SAR1A: variants seen among roughly 807,000 people sequenced by gnomAD.
SAR1A encodes the protein small COPII coat GTPase SAR1A.
In SAR1A, 6 loss-of-function variants were observed where a neutral mutation model predicts 22.6. That is an observed-to-expected ratio of 0.27 (90% CI 0.15 to 0.52). The LOEUF (loss-of-function observed/expected upper bound fraction) is 0.52, where lower values mean the gene tolerates loss of function less well. Ranked by LOEUF, SAR1A falls within the 20% of genes least tolerant of loss-of-function variation. The pLI is 0.96. For synonymous variants in SAR1A, 70 were observed against 82.2 expected, an observed-to-expected ratio of 0.85 and a Z score of 0.80; for missense variants, 145 against 245.1, an observed-to-expected ratio of 0.59 and a Z score of 2.73.
chr10:70,162,421 GGGAAAGGAAA>G (rs376567923), intron 1 of SAR1A, among the ~76,000 whole-genome samples: 1 of 115,472 alleles, frequency 8.7e-6, no homozygotes. Context: ...GAAAGGGAAA[GGGAAAGGAAA>G]GGAAAGGAAA....
rs1839302316 is a variant in SAR1A, at chr10:70,149,547, A to ATGTTTTTTTTT, written c.*2928_*2929insAAAAAAAAACA. On this transcript the variant is annotated 3_prime_UTR_variant, in exon 7 of 7. Coordinates refer to ENST00000373241, the MANE Select transcript of SAR1A (RefSeq NM_020150.5). ...TTTTGCCAAATGTAGCATTTAATTG[A>ATGTTTTTTTTT]TTTTTTTTTTTTTTTTTTTTTTGAG... is the stretch of plus-strand genomic sequence containing the variant. 1.5e-5 allele frequency: 1 copy of ATGTTTTTTTTT among 68,036 alleles called. No individual in the cohort carries two copies. Among genetic ancestry groups the ATGTTTTTTTTT allele is most frequent in the Non-Finnish European group, 2.5e-5 (1 of 40,706 alleles). The allele number at this position is 68,036 out of a possible 1,614,324, so 4.2% of individuals were successfully genotyped here.
At chr10:70,164,210 T>C (rs1839515413) in intron 1 of SAR1A, 1 of 598,796 alleles carries the variant, frequency 1.7e-6, no homozygotes, top group African/African-American at 1.9e-5. Flanking sequence ...GTAAAAGGCT[T>C]CTCCCTACTG....
chr10:70,165,853 T>C (rs540227564), intron 1 of SAR1A, among the ~76,000 whole-genome samples: 81 of 152,244 alleles, frequency 5.3e-4, no homozygotes, highest in Non-Finnish European at 1.0e-3. Context: ...CAGAGAAATC[T>C]TTCTTGAAAA....
rs752360619 is a variant in SAR1A at position 70,161,014 on chromosome 10, C to G, written c.234G>C (p.Gly78=). ...TGAGTCATCACTTACCTTGCTCGTG[C>G]CCACCAAGATCAAAAGTTGTAAAGG... The part of the protein sequence containing the change: ...GMTFTTFDLG[G]HEQARRVWKN... Residue 78 remains glycine (G), a synonymous_variant, in exon 4 of 7, where the codon GGG becomes GGC. Coordinates refer to ENST00000373241, the MANE Select transcript of SAR1A (RefSeq NM_020150.5). The G allele has an allele frequency of 6.8e-6, 11 of 1,611,524 alleles. No individual in the cohort carries two copies. The South Asian group carries it at 9.9e-5, about 15-fold the overall frequency.
chr10:70,155,244 G>A (rs1839372494), intron 5 of SAR1A: 3 of 397,304 alleles, frequency 7.6e-6, no homozygotes, highest in South Asian at 1.9e-5. Flanking sequence ...TTAAGGTAGA[G>A]CATTCAATGA....
chr10:70,152,674 A>T, intron 6 of SAR1A, 82 bp from the exon 7 acceptor site: 2 of 1,010,162 alleles, frequency 2.0e-6, no homozygotes, highest in South Asian at 2.6e-5. Context: ...CAATCATTTT[A>T]TCCATTCCTT....
rs753069094 is a variant in SAR1A, at chr10:70,151,610, G to C, written c.*866C>G. The C allele has an allele frequency of 6.6e-6, 1 of 152,610 alleles. No individual in the cohort carries two copies. Among genetic ancestry groups the C allele is most frequent in the African/African-American group, 2.4e-5 (1 of 41,442 alleles). The allele number at this position is 152,610 out of a possible 1,614,324, so 9.5% of individuals were successfully genotyped here. ...CGAGAGATGTTCTCAACTCTTTTAT[G>C]AGGTCAAAGTCACTTTTGATAACTG... On this transcript the variant is annotated 3_prime_UTR_variant, in exon 7 of 7. Transcript: ENST00000373241.
chr10:70,169,074 T>C (rs1839590784), intron 1 of SAR1A, among the ~76,000 whole-genome samples: 1 of 152,174 alleles, frequency 6.6e-6, no homozygotes, highest in South Asian at 2.1e-4. Flanking sequence ...ACACCAACCC[T>C]ACCAGGCAAG....
At chr10:70,170,318 A>AC (rs1839610944) in intron 1 of SAR1A, 95 bp downstream of exon 1, 1 of 61,548 alleles carries the variant, frequency 1.6e-5, no homozygotes, top group African/African-American at 6.8e-5. Context: ...CCCCCACCCA[A>AC]CCCCGCCAGG....
At chr10:70,164,025 G>C in intron 1 of SAR1A, 1 of 872,794 alleles carries the variant, frequency 1.1e-6, no homozygotes, top group Non-Finnish European at 2.0e-6. Flanking sequence ...AAACCTTGGA[G>C]TGAAGTTAAC....
intron 1 of SAR1A, among the ~76,000 whole-genome samples, chr10:70,169,279 A>C: frequency 6.6e-6 from 1 of 152,138 alleles, no homozygotes; most frequent in East Asian, 1.9e-4. Flanking sequence ...AAAAAAAAAA[A>C]ACTAAAACTT....
intron 1 of SAR1A, among the ~76,000 whole-genome samples, chr10:70,162,421 G>GGGAAAGGAAAGGAAA (rs376567923): frequency 2.1e-4 from 24 of 115,584 alleles, no homozygotes; most frequent in Admixed American, 7.9e-4. Context: ...GAAAGGGAAA[G>GGGAAAGGAAAGGAAA]GGAAAGGAAA....
intron 1 of SAR1A, chr10:70,163,722 T>A (rs1459439284): frequency 8.3e-6 from 7 of 844,732 alleles, no homozygotes; most frequent in Non-Finnish European, 1.4e-5. Flanking sequence ...ATTGTAGAAT[T>A]CAAAGAAGTT....
chr10:70,160,712 A>G (rs973412592), intron 4 of SAR1A, among the ~76,000 whole-genome samples: 8 of 152,252 alleles, frequency 5.3e-5, no homozygotes, highest in African/African-American at 1.9e-4. Context: ...GTTTGGCTAT[A>G]TCAGGCAAAT....
At chr10:70,156,629 C>T (rs560933384) in intron 5 of SAR1A, among the ~76,000 whole-genome samples, 2 of 149,724 alleles carry the variant, frequency 1.3e-5, no homozygotes, top group African/African-American at 2.5e-5. Flanking sequence ...GCCGTGATTG[C>T]ACCATTGGAC....
chr10:70,159,622 GC>G (rs1386521193), intron 4 of SAR1A, among the ~76,000 whole-genome samples: 1 of 152,128 alleles, frequency 6.6e-6, no homozygotes, highest in Non-Finnish European at 1.5e-5. Flanking sequence ...GGGCAACAGA[GC>G]AAGACCCCAT....
chr10:70,153,972 A>G lies in SAR1A; in HGVS notation c.349-3T>C. ...ATTGTTTCATCAGTCATTAAAGCCT[A>G]AAGATTGAAAAAAAAGAAAAAAAGA... On this transcript the variant is annotated splice_region_variant and splice_polypyrimidine_tract_variant and intron_variant, in intron 5 of 6. Transcript: ENST00000373241. The G allele has an allele frequency of 4.5e-6, 7 of 1,560,636 alleles. No individual in the cohort carries two copies. Among genetic ancestry groups the G allele is most frequent in the Non-Finnish European group, 6.0e-6 (7 of 1,160,622 alleles).
chr10:70,157,589 T>A (rs144040731), intron 5 of SAR1A, 175 bp downstream of exon 5: 3 of 554,074 alleles, frequency 5.4e-6, no homozygotes, highest in Non-Finnish European at 6.4e-6. Flanking sequence ...CCTCAGGACA[T>A]TGAAAAGCAA....
intron 5 of SAR1A, 27 bp from the exon 6 acceptor site, chr10:70,153,996 G>T: frequency 6.6e-7 from 1 of 1,508,196 alleles, no homozygotes; most frequent in Non-Finnish European, 8.9e-7. Flanking sequence ...AAGAAAAAAA[G>T]AAAAAAAAGA....
Sources: allele counts gnomAD v4.1 joint callset (sites outside exome capture counted in the v4.1 genomes callset), GRCh38; gene constraint gnomAD v4.1.1; transcripts MANE v1.5; gene names NCBI Gene and HGNC (gene_info 2026-07-23, HGNC 2026-07-21).